Variants in ACTG2 observed in about 807,000 individuals in gnomAD.
The protein encoded by ACTG2 is actin gamma 2, smooth muscle.
Under a neutral mutation model 37.6 loss-of-function variants are expected in ACTG2, and 16 were observed. The ratio of observed to expected loss-of-function variants is 0.43; its 90% CI spans 0.29 to 0.65. ACTG2 has a LOEUF of 0.65. ACTG2 is among the 30% of genes least tolerant of loss of function. The pLI, the probability that ACTG2 is intolerant of heterozygous loss-of-function variation, is 0.18. For missense variants in ACTG2, 238 were observed against 490.9 expected (o/e 0.48, Z 4.87); for synonymous variants, 181 against 179.9 (o/e 1.01, Z -0.05).
intron 3 of ACTG2, chr2:73,903,231 G>C (rs999815284): frequency 6.5e-6 from 1 of 154,044 alleles, no homozygotes; most frequent in Non-Finnish European, 1.4e-5. Context: ...GAGTGTTCTT[G>C]TTTCTGCAAC....
chr2:73,919,193 C>T (rs1195480396), intron 8 of ACTG2, among the ~76,000 whole-genome samples: 2 of 152,322 alleles, frequency 1.3e-5, no homozygotes, highest in Admixed American at 6.5e-5. Context: ...CTGCTAATAT[C>T]CCATTGGTCA....
chr2:73,909,147 AT>A lies in ACTG2; in HGVS notation c.451+9del, dbSNP rs1573469163. On this transcript the variant is annotated intron_variant, in intron 5 of 8. Transcript: ENST00000345517. The stretch of plus-strand genomic sequence containing the variant: ...CCTCTGGCCGCACGACAGGTGAGTA[AT>A]CCTGTAATCCATTCCTTTTCTGACT... 6.2e-7 allele frequency: 1 copy of A among 1,606,018 alleles called. No individual in the cohort carries two copies. Among genetic ancestry groups the A allele is most frequent in the East Asian group, 2.2e-5 (1 of 44,828 alleles).
intron 3 of ACTG2, among the ~76,000 whole-genome samples, chr2:73,906,157 T>TA (rs912490437): frequency 2.0e-5 from 3 of 152,008 alleles, no homozygotes; most frequent in Admixed American, 6.5e-5. Context: ...TTTATTCCAT[T>TA]AAAAAAAATT....
chr2:73,902,291 C>G, intron 2 of ACTG2, 69 bp from the exon 3 acceptor site: 1 of 1,556,916 alleles, frequency 6.4e-7, no homozygotes, highest in South Asian at 1.2e-5. Flanking sequence ...CAGAGACCTT[C>G]CAGTGCCTGA....
chr2:73,919,737 C>G lies in ACTG2; in HGVS notation c.*162C>G. The G allele has an allele frequency of 1.4e-6, 1 of 738,258 alleles. No homozygotes were observed. The highest frequency in any genetic ancestry group is 2.1e-6 in the Non-Finnish European group (1 of 478,062). The allele number at this position is 738,258 out of a possible 1,614,324, so 45.7% of individuals were successfully genotyped here. A position where few individuals can be genotyped will look rare whatever the true frequency, so the allele number is the denominator to read the frequency against. On this transcript the variant is annotated 3_prime_UTR_variant, in exon 9 of 9. Transcript: ENST00000345517. The stretch of plus-strand genomic sequence containing the variant: ...TTTCACACATTACTTTTAATCCATG[C>G]AATAGTGCTGTAAGGTAGGTGCTAT...
rs1679869813 is a variant in ACTG2, at chr2:73,901,393, C to T, written c.82C>T (p.Pro28Ser). 1 of 1,614,076 alleles carries T rather than the reference C, an allele frequency of 6.2e-7. No individual in the cohort carries two copies. Among genetic ancestry groups the T allele is most frequent in the Non-Finnish European group, 8.5e-7 (1 of 1,180,050 alleles). ...CKAGFAGDDA[P>S]RAVFPSIVGR... is the part of the protein sequence containing the mutation. ...GGCAGGCTTCGCAGGAGATGATGCC[C>T]CCCGGGCTGTCTTCCCCTCCATTGT... The change falls in exon 2 of 9, where the codon CCC becomes TCC. Residue 28 changes from proline to serine, a missense_variant. Transcript: ENST00000345517.
At chr2:73,906,465 A>AAATAAATAAATAAATAAATAAAT (rs1553395537) in intron 3 of ACTG2, among the ~76,000 whole-genome samples, 65 of 149,858 alleles carry the variant, frequency 4.3e-4, no homozygotes, top group African/African-American at 1.6e-3. Flanking sequence ...TAAAAAATAA[A>AAATAAATAAATAAATAAATAAAT]AAATAAATAA....
intron 3 of ACTG2, among the ~76,000 whole-genome samples, chr2:73,904,739 TTGTGTGTG>T (rs370499600): frequency 5.2e-4 from 54 of 103,810 alleles, no homozygotes; most frequent in Middle Eastern, 5.2e-3. Flanking sequence ...CTATAAATCA[TTGTGTGTG>T]TGTGTGTGTG....
chr2:73,910,847 A>G (rs899202769), intron 5 of ACTG2, among the ~76,000 whole-genome samples: 1 of 152,030 alleles, frequency 6.6e-6, no homozygotes, highest in African/African-American at 2.4e-5. Flanking sequence ...TACAGGTGTG[A>G]TCATCACCCC....
At chr2:73,899,160 T>C (rs1228053641) in intron 1 of ACTG2, among the ~76,000 whole-genome samples, 1 of 152,144 alleles carries the variant, frequency 6.6e-6, no homozygotes, top group Non-Finnish European at 1.5e-5. Flanking sequence ...GGAATTCATA[T>C]TCATTTCATT....
intron 3 of ACTG2, among the ~76,000 whole-genome samples, chr2:73,906,136 T>TA (rs1455099085): frequency 6.6e-6 from 1 of 151,910 alleles, no homozygotes; most frequent in Non-Finnish European, 1.5e-5. Context: ...GTGATGGACA[T>TA]AGGGGAGATT....
intron 3 of ACTG2, among the ~76,000 whole-genome samples, chr2:73,904,193 G>A (rs1679954380): frequency 1.4e-5 from 2 of 143,686 alleles, no homozygotes; most frequent in Admixed American, 7.1e-5. Flanking sequence ...AGGCTGCAGT[G>A]AGCTGTGTTC....
intron 3 of ACTG2, among the ~76,000 whole-genome samples, chr2:73,904,814 T>A (rs934111368): frequency 3.4e-4 from 45 of 131,966 alleles, no homozygotes; most frequent in East Asian, 6.4e-4. Context: ...TATATATATA[T>A]AATCTTGTGT....
chr2:73,915,479 C>A (rs1480432375), intron 7 of ACTG2, among the ~76,000 whole-genome samples: 8 of 146,850 alleles, frequency 5.4e-5, no homozygotes, highest in African/African-American at 2.0e-4. Flanking sequence ...GTGATTGTGT[C>A]ACTGCACTCC....
At chr2:73,902,997 G>T (rs1679925510) in intron 3 of ACTG2, 8 of 473,340 alleles carry the variant, frequency 1.7e-5, no homozygotes, top group South Asian at 1.4e-4. Flanking sequence ...TCCCTGTCAA[G>T]ACTTCACATA....
At chr2:73,893,494 T>C (rs147290929) in intron 1 of ACTG2, among the ~76,000 whole-genome samples, 3 of 152,180 alleles carry the variant, frequency 2.0e-5, no homozygotes, top group African/African-American at 7.2e-5. Context: ...GTTTAGTCCA[T>C]GAAATGTCTG....
chr2:73,915,604 A>G (rs1267644309), intron 7 of ACTG2, among the ~76,000 whole-genome samples: 2 of 152,018 alleles, frequency 1.3e-5, no homozygotes, highest in African/African-American at 2.4e-5. Context: ...TTTGCTCTAG[A>G]AGACTGTGAT....
chr2:73,914,887 C>T lies in ACTG2; in HGVS notation c.805+16C>T. Reference sequence around the variant, plus strand: ...TCCTTTATTGGTGAGGTGCTGCCCACAGTCCCTGCCAATCTCAGGAGGGGA... The same window carrying T: ...TCCTTTATTGGTGAGGTGCTGCCCATAGTCCCTGCCAATCTCAGGAGGGGA... On this transcript the variant is annotated intron_variant, in intron 7 of 8. Coordinates refer to ENST00000345517, the MANE Select transcript of ACTG2 (RefSeq NM_001615.4). The T allele has an allele frequency of 6.6e-7, 1 of 1,525,574 alleles. No individual in the cohort carries two copies. The highest frequency in any genetic ancestry group is 8.9e-7 in the Non-Finnish European group (1 of 1,128,308). The allele number at this position is 1,525,574 out of a possible 1,614,324, so 94.5% of individuals were successfully genotyped here. A position where few individuals can be genotyped will look rare whatever the true frequency, so the allele number is the denominator to read the frequency against.
chr2:73,901,866 G>A lies in ACTG2; in HGVS notation c.126+429G>A, dbSNP rs536839556. The A allele has an allele frequency of 2.1e-5, 4 of 193,986 alleles. No individual in the cohort carries two copies. The South Asian group carries it at 5.9e-4, about 28-fold the overall frequency. 12.0% of individuals were successfully genotyped at this position (193,986 alleles called of 1,614,324 possible). A position where few individuals can be genotyped will look rare whatever the true frequency, so the allele number is the denominator to read the frequency against. On this transcript the variant is annotated intron_variant, in intron 2 of 8. Transcript: ENST00000345517. The stretch of plus-strand genomic sequence containing the variant: ...ACACATAACTAACCAGAGATCATGG[G>A]CTGTAATAGAGGTAAAATATTTCAC...
Sources: gnomAD v4.1 joint callset for allele counts (sites outside exome capture counted in the v4.1 genomes callset) on GRCh38, gnomAD v4.1.1 for gene constraint, MANE v1.5 for transcripts, NCBI Gene and HGNC (gene_info 2026-07-23, HGNC 2026-07-21) for gene names.